The following CALCR variants were observed in gnomAD, a reference collection of about 807,000 sequenced individuals.
CALCR encodes calcitonin receptor.
CALCR carries 47 observed loss-of-function variants against 59.5 expected under a neutral mutation model. The ratio of observed to expected loss-of-function variants is 0.79; its 90% CI spans 0.63 to 1.01. The LOEUF (loss-of-function observed/expected upper bound fraction) is 1.01. Ranked by LOEUF, CALCR falls within the 50% of genes least tolerant of loss-of-function variation. The pLI is 0.00. For missense variants in CALCR, 566 were observed against 597.1 expected (o/e 0.95, Z 0.54); for synonymous variants, 213 against 211.3 (o/e 1.01, Z -0.07).
chr7:93,460,720 A>G (rs1800315430), intron 8 of CALCR, 101 bp downstream of exon 8: 1 of 814,296 alleles, frequency 1.2e-6, no homozygotes, highest in Admixed American at 2.9e-5. Context: ...ATGATTACAC[A>G]TGTAAACAGC....
At chr7:93,505,719 G>A (rs1801410705) in intron 2 of CALCR, among the ~76,000 whole-genome samples, 1 of 152,068 alleles carries the variant, frequency 6.6e-6, no homozygotes, top group South Asian at 2.1e-4. Flanking sequence ...AACCTCTCTC[G>A]TGCAAAATAG....
chr7:93,460,279 G>A (rs1213926235), intron 8 of CALCR, among the ~76,000 whole-genome samples: 3 of 151,942 alleles, frequency 2.0e-5, no homozygotes, highest in African/African-American at 7.3e-5. Flanking sequence ...GTTTGGGCCG[G>A]GTGTGGTGGC....
At chr7:93,510,611 T>A (rs1801524900) in intron 2 of CALCR, among the ~76,000 whole-genome samples, 1 of 152,190 alleles carries the variant, frequency 6.6e-6, no homozygotes, top group Non-Finnish European at 1.5e-5. Context: ...CTCAAGCTTA[T>A]AATCCCAGTG....
At chr7:93,517,527 C>T (rs1246978818) in intron 2 of CALCR, among the ~76,000 whole-genome samples, 3 of 151,858 alleles carry the variant, frequency 2.0e-5, no homozygotes. Flanking sequence ...CAATCCATAA[C>T]AGCACTGCTA....
At chr7:93,537,267 A>G (rs1408646655) in intron 2 of CALCR, among the ~76,000 whole-genome samples, 1 of 151,796 alleles carries the variant, frequency 6.6e-6, no homozygotes. Context: ...AAATTCCCTC[A>G]TTGCCACCAT....
At chr7:93,461,015 T>C in intron 7 of CALCR, 68 bp from the exon 8 acceptor site, 1 of 1,308,198 alleles carries the variant, frequency 7.6e-7, no homozygotes, top group South Asian at 1.4e-5. Flanking sequence ...AAAAAACATT[T>C]TGGTAATATT....
intron 2 of CALCR, among the ~76,000 whole-genome samples, chr7:93,524,810 A>G (rs1479027670): frequency 3.9e-5 from 6 of 152,168 alleles, no homozygotes; most frequent in African/African-American, 1.4e-4. Flanking sequence ...AATTAATCCC[A>G]AAGATACTTA....
intron 8 of CALCR, among the ~76,000 whole-genome samples, chr7:93,454,763 TA>T (rs143021485): frequency 6.6e-6 from 1 of 151,810 alleles, no homozygotes; most frequent in Non-Finnish European, 1.5e-5. Flanking sequence ...TAACTTTTTT[TA>T]AAAAAAGAAC....
At chr7:93,448,730 A>G (rs1345523324) in intron 8 of CALCR, among the ~76,000 whole-genome samples, 1 of 151,982 alleles carries the variant, frequency 6.6e-6, no homozygotes, top group Non-Finnish European at 1.5e-5. Flanking sequence ...TAATCTACCC[A>G]GTTTGTGTGA....
intron 2 of CALCR, among the ~76,000 whole-genome samples, chr7:93,500,686 T>C (rs1801303440): frequency 6.6e-6 from 1 of 151,964 alleles, no homozygotes; most frequent in African/African-American, 2.4e-5. Context: ...TGAATCCAAA[T>C]CCAGGACTTG....
chr7:93,446,397 G>T (rs1800006739), intron 8 of CALCR, among the ~76,000 whole-genome samples: 1 of 151,980 alleles, frequency 6.6e-6, no homozygotes, highest in African/African-American at 2.4e-5. Context: ...AATTTTTTAA[G>T]AAATATACAG....
At chr7:93,503,440 G>A (rs1016005245) in intron 2 of CALCR, among the ~76,000 whole-genome samples, 8 of 149,892 alleles carry the variant, frequency 5.3e-5, no homozygotes, top group East Asian at 1.9e-4. Flanking sequence ...ACATACACAC[G>A]ACACAGAGGA....
At chr7:93,522,506 A>C (rs940624454) in intron 2 of CALCR, among the ~76,000 whole-genome samples, 1 of 152,148 alleles carries the variant, frequency 6.6e-6, no homozygotes, top group Non-Finnish European at 1.5e-5. Flanking sequence ...TCTACCTACC[A>C]TGTCCTTTTC....
chr7:93,459,414 G>A (rs926101220), intron 8 of CALCR, among the ~76,000 whole-genome samples: 1 of 151,604 alleles, frequency 6.6e-6, no homozygotes, highest in African/African-American at 2.4e-5. Flanking sequence ...TGAGGAGTCA[G>A]GGATAAATAA....
intron 2 of CALCR, among the ~76,000 whole-genome samples, chr7:93,554,057 C>T (rs1394147624): frequency 2.0e-5 from 3 of 152,192 alleles, no homozygotes; most frequent in Non-Finnish European, 4.4e-5. Context: ...TAAACTTTAA[C>T]TGTAAAACTT....
intron 2 of CALCR, among the ~76,000 whole-genome samples, chr7:93,523,659 A>G (rs553379962): frequency 4.9e-4 from 75 of 152,316 alleles, no homozygotes; most frequent in African/African-American, 1.7e-3. Context: ...CTATGAATAA[A>G]GTAGCACTTC....
At position 93,568,413 on chromosome 7, in the gene CALCR, T is replaced by C. The variant is rs200604798; in HGVS notation, c.-27+5876A>G. ...ACGACTAAAATTGCTCTCAATTAAA[T>C]GCAATTGCGAGCTCTCAATCCTTAT... On this transcript the variant is annotated intron_variant, in intron 2 of 13. Transcript: ENST00000426151. Among the ~76,000 whole-genome samples the C allele has an allele frequency of 7.2e-5, 11 of 152,214 alleles. No homozygotes were observed. In the East Asian group the frequency reaches 1.5e-3, roughly 21 times the overall value.
chr7:93,449,505 C>A (rs1042115731), intron 8 of CALCR, among the ~76,000 whole-genome samples: 1 of 151,954 alleles, frequency 6.6e-6, no homozygotes, highest in African/African-American at 2.4e-5. Flanking sequence ...TCTCTGCTGC[C>A]TCTTCCATCT....
intron 2 of CALCR, among the ~76,000 whole-genome samples, chr7:93,557,040 G>A (rs530200465): frequency 2.5e-4 from 38 of 152,030 alleles, no homozygotes; most frequent in African/African-American, 9.2e-4. Context: ...TGGCCATTTG[G>A]TTCATCTCCC....
Sources: gnomAD v4.1 joint callset for allele counts (sites outside exome capture counted in the v4.1 genomes callset) on GRCh38, gnomAD v4.1.1 for gene constraint, MANE v1.5 for transcripts, NCBI Gene and HGNC (gene_info 2026-07-23, HGNC 2026-07-21) for gene names.